Variants in SLC9A8 observed in about 807,000 individuals in gnomAD.
The protein encoded by SLC9A8 is solute carrier family 9 member A8, also known as sodium/hydrogen exchanger 8.
SLC9A8 carries 48 observed loss-of-function variants against 66.6 expected under a neutral mutation model. That is an observed-to-expected ratio of 0.72 (90% confidence interval 0.57 to 0.92). The LOEUF is 0.92. Among genes scored for constraint, SLC9A8 ranks in the 40% least tolerant of loss-of-function variants. SLC9A8 has a pLI of 0.00. For synonymous variants in SLC9A8, 274 were observed against 282.6 expected (o/e 0.97, Z 0.31); for missense variants, 599 against 747.3 (o/e 0.80, Z 2.31).
chr20:49,827,604 GAAA>G (rs75265328), intron 3 of SLC9A8, among the ~76,000 whole-genome samples: 1 of 104,532 alleles, frequency 9.6e-6, no homozygotes. Context: ...ACTGCATCTC[GAAA>G]AAAAAAAAAA....
chr20:49,882,870 C>T (rs2089682510), intron 13 of SLC9A8, among the ~76,000 whole-genome samples: 1 of 152,172 alleles, frequency 6.6e-6, no homozygotes, highest in Admixed American at 6.5e-5. Context: ...GTATTATGTG[C>T]CCTTTGCTCT....
rs1302808430 is a variant in SLC9A8 at position 49,823,129 on chromosome 20, G to A, written c.277G>A (p.Val93Ile). Residue 93 changes from valine (V) to isoleucine (I), a missense_variant, in exon 3 of 16, where the codon GTT becomes ATT. Val to Ile is a conservative substitution (Grantham distance 29). This residue lies in a region of SLC9A8 where 132 missense variants were observed against 120.9 expected (regional missense o/e 1.09). Transcript: ENST00000361573. Reference protein sequence around the residue: ...RLHFLPESVAVVSLGILMGAV... With the variant: ...RLHFLPESVAIVSLGILMGAV... ...ACATTTCTTGCCAGAGAGTGTTGCT[G>A]TTGTTTCTTTAGGTAAGTGTGTATT... 3 of 1,611,734 alleles carry A rather than the reference G, an allele frequency of 1.9e-6. No individual in the cohort carries two copies. The highest frequency in any genetic ancestry group is 1.1e-5 in the South Asian group (1 of 90,642).
Position 49,850,854 on chromosome 20 carries a change from TCATACTGTAACACC to T in SLC9A8, c.569+14_569+27del, listed in dbSNP as rs779686971. 6 of 1,598,396 alleles carry T rather than the reference TCATACTGTAACACC, an allele frequency of 3.8e-6. No individual in the cohort carries two copies. In the South Asian group the frequency reaches 6.8e-5, roughly 18 times the overall value. ...TCAACATGACAGACAGGTAAATCCT[TCATACTGTAACACC>T]CATGCGACTGCTTTTCAGACAGGGG... is the stretch of plus-strand genomic sequence containing the variant. On this transcript the variant is annotated intron_variant, in intron 7 of 15. Transcript: ENST00000361573.
At chr20:49,834,746 ATAAT>A (rs2087462629) in intron 3 of SLC9A8, among the ~76,000 whole-genome samples, 1 of 152,144 alleles carries the variant, frequency 6.6e-6, no homozygotes, top group Non-Finnish European at 1.5e-5. Context: ...GGGCAATAGA[ATAAT>A]TACTGATTTT....
At chr20:49,849,332 G>A (rs548740261) in intron 5 of SLC9A8, among the ~76,000 whole-genome samples, 45 of 152,052 alleles carry the variant, frequency 3.0e-4, no homozygotes, top group African/African-American at 1.0e-3. Flanking sequence ...AAGGGGCCCT[G>A]GGGGGTTGAG....
intron 3 of SLC9A8, among the ~76,000 whole-genome samples, chr20:49,834,139 G>GTCTCTCTCTCTCTCTCTCTC (rs71335517): frequency 3.1e-5 from 2 of 65,400 alleles, no homozygotes; most frequent in African/African-American, 7.7e-5. Flanking sequence ...ATATTAGCTT[G>GTCTCTCTCTCTCTCTCTCTC]TCTCTCTCTC....
Position 49,874,703 on chromosome 20 carries a change from A to G in SLC9A8, c.959-2A>G, listed in dbSNP as rs1395979401. 1.2e-5 allele frequency: 19 copies of G among 1,560,662 alleles called. No homozygotes were observed. Among genetic ancestry groups the G allele is most frequent in the Non-Finnish European group, 1.6e-5 (18 of 1,131,408 alleles). ...TTTCTGTTCTGTTCTCTCCCTCTCT[A>G]GGCATCATGGCCATCCTTTTCTCAG... On this transcript the variant is annotated splice_acceptor_variant, in intron 10 of 15. Transcript: ENST00000361573. LOFTEE classifies it high-confidence loss of function.
At chr20:49,877,387 A>T (rs1447898647) in intron 11 of SLC9A8, among the ~76,000 whole-genome samples, 1 of 152,182 alleles carries the variant, frequency 6.6e-6, no homozygotes. Flanking sequence ...TTAGAAATTT[A>T]TAAGGTGCTT....
chr20:49,888,041 C>T lies in SLC9A8; in HGVS notation c.*105C>T, dbSNP rs2089954324. On this transcript the variant is annotated 3_prime_UTR_variant, in exon 16 of 16. Coordinates refer to ENST00000361573, the MANE Select transcript of SLC9A8 (RefSeq NM_015266.3). ...AGATGCGTGCATCCAGCAGCCCCTT[C>T]AAGACATAAGAGGGCGGGGCGAGGT... The T allele has an allele frequency of 3.3e-6, 3 of 900,118 alleles. No homozygotes were observed. The highest frequency in any genetic ancestry group is 2.6e-5 in the East Asian group (1 of 38,358). 55.8% of individuals were successfully genotyped at this position (900,118 alleles called of 1,614,324 possible).
intron 3 of SLC9A8, chr20:49,830,377 C>A: frequency 1.2e-6 from 1 of 847,070 alleles, no homozygotes; most frequent in Non-Finnish European, 2.1e-6. Flanking sequence ...AGAACCCCTG[C>A]TGAAGTCCTC....
intron 3 of SLC9A8, among the ~76,000 whole-genome samples, chr20:49,828,253 T>C (rs2087001716): frequency 6.6e-6 from 1 of 151,806 alleles, no homozygotes. Context: ...GCTAATTTTT[T>C]GTATTTTTAG....
At chr20:49,825,771 C>A (rs1244200112) in intron 3 of SLC9A8, among the ~76,000 whole-genome samples, 1 of 152,212 alleles carries the variant, frequency 6.6e-6, no homozygotes, top group African/African-American at 2.4e-5. Flanking sequence ...CAGTTCTTCT[C>A]CATGCCTCAG....
chr20:49,858,434 A>G (rs993141092), intron 8 of SLC9A8, among the ~76,000 whole-genome samples: 4 of 151,120 alleles, frequency 2.6e-5, no homozygotes, highest in African/African-American at 9.7e-5. Context: ...AATTTTGCCT[A>G]ACTTGGAGGT....
chr20:49,872,554 C>G (rs974671671), intron 10 of SLC9A8, among the ~76,000 whole-genome samples: 1 of 151,720 alleles, frequency 6.6e-6, no homozygotes, highest in African/African-American at 2.4e-5. Flanking sequence ...GCCGCAATCT[C>G]GGCTCACTGC....
intron 2 of SLC9A8, among the ~76,000 whole-genome samples, chr20:49,821,358 A>G (rs1374119396): frequency 6.6e-6 from 1 of 152,204 alleles, no homozygotes. Context: ...TTCATTAGTC[A>G]CATGTTATGT....
chr20:49,823,274 C>G (rs1027165873), intron 3 of SLC9A8, 133 bp downstream of exon 3: 1 of 743,050 alleles, frequency 1.3e-6, no homozygotes, highest in Admixed American at 2.4e-5. Flanking sequence ...TGCAACCTGC[C>G]CTAAGGGTGC....
At chr20:49,821,318 GT>G (rs1201858857) in intron 2 of SLC9A8, among the ~76,000 whole-genome samples, 7 of 152,054 alleles carry the variant, frequency 4.6e-5, no homozygotes, top group Admixed American at 4.6e-4. Context: ...CTTATTTGCC[GT>G]TTTTTGTTTT....
At position 49,856,434 on chromosome 20, in the gene SLC9A8, C is replaced by T. The variant is rs73271132; in HGVS notation, c.713+853C>T. 7.1e-3 allele frequency among the ~76,000 whole-genome samples: 1,076 copies of T among 152,314 alleles called. 19 individuals are homozygous for T. Among genetic ancestry groups the T allele is most frequent in the African/African-American group, 0.024 (997 of 41,566 alleles). On this transcript the variant is annotated intron_variant, in intron 8 of 15. Transcript: ENST00000361573. ...TTAAGATGCTATTGTGTAAACTCTA[C>T]TTTGGACACTACAATTTGTTTTCAA...
At chr20:49,824,958 A>G (rs1480931469) in intron 3 of SLC9A8, among the ~76,000 whole-genome samples, 1 of 152,186 alleles carries the variant, frequency 6.6e-6, no homozygotes, top group Non-Finnish European at 1.5e-5. Flanking sequence ...TTCCTCTCAG[A>G]TAGTAATGAG....
Sources: gnomAD v4.1 joint callset for allele counts (sites outside exome capture counted in the v4.1 genomes callset) on GRCh38, gnomAD v4.1.1 for gene constraint, gnomAD v4.1.1 regional missense constraint, MANE v1.5 for transcripts, NCBI Gene and HGNC (gene_info 2026-07-23, HGNC 2026-07-21) for gene names.